Variants in CSMD1 observed in about 807,000 individuals in gnomAD.
CSMD1 encodes the protein CUB and Sushi multiple domains 1, also known as CUB and sushi domain-containing protein 1.
CSMD1 carries 213 observed loss-of-function variants against 417.5 expected under a neutral mutation model. The observed-to-expected ratio is 0.51, with a 90% CI of 0.46 to 0.57. CSMD1 has a LOEUF of 0.57. Ranked by LOEUF, CSMD1 falls within the 20% of genes least tolerant of loss-of-function variation. The pLI is 0.00. For missense variants in CSMD1, 6,923 were observed against 4,529.7 expected (o/e 1.53, Z -15.17); for synonymous variants, 2,862 against 1,736.8 (o/e 1.65, Z -16.11).
chr8:4,524,594 G>C (rs928619944), intron 2 of CSMD1, among the ~76,000 whole-genome samples: 3 of 117,188 alleles, frequency 2.6e-5, no homozygotes, highest in African/African-American at 3.0e-5. Flanking sequence ...TTTTGGTTTG[G>C]TTTGGGTTTT....
At chr8:4,531,769 T>G (rs1796828509) in intron 2 of CSMD1, among the ~76,000 whole-genome samples, 1 of 152,240 alleles carries the variant, frequency 6.6e-6, no homozygotes, top group Non-Finnish European at 1.5e-5. Flanking sequence ...TACAATCTGG[T>G]GCTTTTTAGT....
At chr8:4,260,080 C>T (rs1585115366) in intron 3 of CSMD1, among the ~76,000 whole-genome samples, 1 of 151,686 alleles carries the variant, frequency 6.6e-6, no homozygotes, top group East Asian at 1.9e-4. Flanking sequence ...AGATCACAAA[C>T]ATCCATTTTA....
intron 1 of CSMD1, among the ~76,000 whole-genome samples, chr8:4,834,614 A>G (rs1037262204): frequency 6.6e-6 from 1 of 152,124 alleles, no homozygotes; most frequent in African/African-American, 2.4e-5. Context: ...TCCAGGATAA[A>G]GAATGGCAGA....
At chr8:4,406,937 A>T (rs1415251092) in intron 3 of CSMD1, among the ~76,000 whole-genome samples, 2 of 152,186 alleles carry the variant, frequency 1.3e-5, no homozygotes, top group Admixed American at 1.3e-4. Context: ...GACCAAGCTG[A>T]CTTAAAAGGG....
chr8:4,274,029 T>G (rs1804767018), intron 3 of CSMD1, among the ~76,000 whole-genome samples: 1 of 152,160 alleles, frequency 6.6e-6, no homozygotes, highest in South Asian at 2.1e-4. Context: ...CTATGTCACT[T>G]AAAATAAATG....
In CSMD1 at chr8:4,034,878, A is replaced by C. The variant is rs146833552; in HGVS notation, c.416-2779T>G. ...AAGACACGGTTATCAATGGAAATCT[A>C]TCAAATAAATCTGCTAAAGATAACC... On this transcript the variant is annotated intron_variant, in intron 3 of 69. Coordinates refer to ENST00000635120, the MANE Select transcript of CSMD1 (RefSeq NM_033225.6). 6.8e-4 allele frequency among the ~76,000 whole-genome samples: 103 copies of C among 152,332 alleles called. 1 individual carries two copies. The East Asian group carries it at 0.019, about 29-fold the overall frequency.
At chr8:4,049,958 G>T (rs1488926525) in intron 3 of CSMD1, among the ~76,000 whole-genome samples, 2 of 152,076 alleles carry the variant, frequency 1.3e-5, no homozygotes, top group Admixed American at 1.3e-4. Flanking sequence ...TCCTCTTTAG[G>T]TGTCTCCTGG....
Position 3,409,460 on chromosome 8 carries a change from C to T in CSMD1, c.1707G>A (p.Gln569=), listed in dbSNP as rs1444485647. 2 of 1,611,392 alleles carry T rather than the reference C, an allele frequency of 1.2e-6. No homozygotes were observed. The highest frequency in any genetic ancestry group is 8.5e-7 in the Non-Finnish European group (1 of 1,178,968). The part of the protein sequence containing the change: ...LVGERVITCQ[Q]NNQWSGNKPS... ...GCTTGTTGCCAGACCACTGATTGTT[C>T]TGCTGACAGGTGATAACTCTCTCCC... The change falls in exon 13 of 70, where the codon CAG becomes CAA. Residue 569 remains glutamine (Q), a synonymous_variant. Coordinates refer to ENST00000635120, the MANE Select transcript of CSMD1 (RefSeq NM_033225.6).
chr8:3,460,303 G>T (rs1402548303), intron 12 of CSMD1, among the ~76,000 whole-genome samples: 1 of 152,114 alleles, frequency 6.6e-6, no homozygotes, highest in Non-Finnish European at 1.5e-5. Flanking sequence ...GAGGAAAAAA[G>T]GAAGATTTGA....
intron 25 of CSMD1, among the ~76,000 whole-genome samples, chr8:3,306,294 A>AGTAGCTGGGATTAGCCTCAGTG (rs1804840811): frequency 6.6e-6 from 1 of 152,192 alleles, no homozygotes; most frequent in Non-Finnish European, 1.5e-5. Flanking sequence ...CTGCCTCAGT[A>AGTAGCTGGGATTAGCCTCAGTG]TCCTGAGTAG....
intron 3 of CSMD1, among the ~76,000 whole-genome samples, chr8:4,371,706 C>G (rs1190159564): frequency 2.6e-5 from 4 of 152,128 alleles, no homozygotes; most frequent in African/African-American, 7.2e-5. Context: ...ATAATCATTA[C>G]TTTGTATGTA....
At chr8:4,984,093 A>G (rs1323226511) in intron 1 of CSMD1, among the ~76,000 whole-genome samples, 2 of 152,220 alleles carry the variant, frequency 1.3e-5, no homozygotes, top group Non-Finnish European at 2.9e-5. Flanking sequence ...TACAGTACTT[A>G]AGAAAACAAG....
At chr8:4,568,509 CCAGTCTAT>C (rs1183596902) in intron 2 of CSMD1, among the ~76,000 whole-genome samples, 2 of 152,068 alleles carry the variant, frequency 1.3e-5, no homozygotes, top group African/African-American at 2.4e-5. Flanking sequence ...TTTTCTTTAT[CCAGTCTAT>C]CATTGATGGG....
chr8:3,440,069 C>T (rs7835858), intron 12 of CSMD1, among the ~76,000 whole-genome samples: 114,332 of 151,628 alleles, frequency 0.75, 43,221 homozygotes, highest in East Asian at 0.85. Context: ...ATATAATATG[C>T]AGTGAAATTG....
At chr8:3,020,968 A>C (rs1809322021) in intron 51 of CSMD1, among the ~76,000 whole-genome samples, 1 of 152,354 alleles carries the variant, frequency 6.6e-6, no homozygotes, top group Admixed American at 6.5e-5. Context: ...ACTTTTCATT[A>C]AGCCTTTTCC....
chr8:4,163,140 T>C (rs1425294939), intron 3 of CSMD1, among the ~76,000 whole-genome samples: 2 of 152,368 alleles, frequency 1.3e-5, no homozygotes, highest in Admixed American at 6.5e-5. Context: ...CCTACCGAAG[T>C]ACACTTTGGT....
intron 5 of CSMD1, among the ~76,000 whole-genome samples, chr8:3,926,069 CACACAA>C (rs1463366553): frequency 7.5e-6 from 1 of 133,016 alleles, no homozygotes; most frequent in South Asian, 2.6e-4. Context: ...CACACACACA[CACACAA>C]ACACCATACA....
intron 3 of CSMD1, among the ~76,000 whole-genome samples, chr8:4,354,998 C>G (rs970336107): frequency 1.3e-5 from 2 of 151,914 alleles, no homozygotes; most frequent in African/African-American, 4.8e-5. Context: ...CACGGTGGCT[C>G]ACGCCTGTAA....
chr8:3,987,227 T>C (rs543737186), intron 5 of CSMD1, among the ~76,000 whole-genome samples: 4 of 152,306 alleles, frequency 2.6e-5, no homozygotes, highest in Admixed American at 6.5e-5. Context: ...CACGCACTCT[T>C]CCTGTGAACA....
Sources: gnomAD v4.1 joint callset for allele counts (sites outside exome capture counted in the v4.1 genomes callset) on GRCh38, gnomAD v4.1.1 for gene constraint, MANE v1.5 for transcripts, NCBI Gene and HGNC (gene_info 2026-07-23, HGNC 2026-07-21) for gene names.